Variants in UEVLD observed in about 807,000 individuals in gnomAD.
The protein encoded by UEVLD is ubiquitin-conjugating enzyme E2 variant 3.
Under a neutral mutation model 58.6 loss-of-function variants are expected in UEVLD, and 47 were observed. That is an observed-to-expected ratio of 0.80 (90% CI 0.63 to 1.02). UEVLD has a LOEUF of 1.02. Among genes scored for constraint, UEVLD ranks in the 50% least tolerant of loss-of-function variants. The probability of loss-of-function intolerance (pLI) is 0.00; values close to 1 mark genes in which losing one functional copy is unlikely to be tolerated. For synonymous variants in UEVLD, 197 were observed against 195.3 expected, an observed-to-expected ratio of 1.01 and a Z score of -0.07; for missense variants, 510 against 550.6, an observed-to-expected ratio of 0.93 and a Z score of 0.74.
chr11:18,543,592 T>A (rs1851158505), intron 9 of UEVLD, among the ~76,000 whole-genome samples: 1 of 152,220 alleles, frequency 6.6e-6, no homozygotes, highest in Non-Finnish European at 1.5e-5. Flanking sequence ...CACTCATAAG[T>A]ATCTAAGCAC....
chr11:18,553,876 A>T (rs1301739416), intron 7 of UEVLD, among the ~76,000 whole-genome samples: 2 of 152,292 alleles, frequency 1.3e-5, no homozygotes, highest in African/African-American at 4.8e-5. Context: ...ATGTGTACAG[A>T]GCTTCCTTTT....
At position 18,544,673 on chromosome 11, in the gene UEVLD, T is replaced by G. The variant is rs1251702003; in HGVS notation, c.1010A>C (p.Gln337Pro). 6.3e-7 allele frequency: 1 copy of G among 1,593,066 alleles called. No homozygotes were observed. The highest frequency in any genetic ancestry group is 1.8e-5 in the Admixed American group (1 of 54,938). The change falls in exon 9 of 12, where the codon CAG (glutamine) becomes CCG (proline). Residue 337 changes from glutamine (Q) to proline (P), a missense_variant. Physicochemically the swap from Gln to Pro is moderately conservative, Grantham distance 76. Transcript: ENST00000396197. ...QYIITNVLKA[Q>P]TSGKEVWVIG... ...AACCCATACTTCTTTGCCTGAAGTC[T>G]GTGCCTTCAAAACATTTGTAATAAT... is the stretch of plus-strand genomic sequence containing the variant.
chr11:18,541,180 C>T (rs903559920), intron 9 of UEVLD, among the ~76,000 whole-genome samples: 5 of 152,152 alleles, frequency 3.3e-5, no homozygotes, highest in African/African-American at 1.2e-4. Flanking sequence ...AACATTCTTA[C>T]TCATTCAATA....
chr11:18,582,699 G>C (rs542796298), intron 1 of UEVLD, among the ~76,000 whole-genome samples: 3 of 151,906 alleles, frequency 2.0e-5, no homozygotes, highest in Non-Finnish European at 2.9e-5. Flanking sequence ...TTCCATACTG[G>C]TCCTCACCAC....
At chr11:18,552,495 C>T (rs1406181963) in intron 7 of UEVLD, among the ~76,000 whole-genome samples, 2 of 151,880 alleles carry the variant, frequency 1.3e-5, no homozygotes, top group Non-Finnish European at 2.9e-5. Flanking sequence ...GGCAGTGAGC[C>T]GAGATGGCAC....
At chr11:18,541,236 C>G (rs1030642031) in intron 9 of UEVLD, among the ~76,000 whole-genome samples, 20 of 152,232 alleles carry the variant, frequency 1.3e-4, no homozygotes, top group African/African-American at 4.6e-4. Context: ...ATTAGAGAGG[C>G]TGGTTAAGTA....
At position 18,583,499 on chromosome 11, in the gene UEVLD, G is replaced by A. The variant is rs755710723; in HGVS notation, c.43-4691C>T. 2.6e-5 allele frequency among the ~76,000 whole-genome samples: 4 copies of A among 152,160 alleles called. No homozygotes were observed. In the East Asian group the frequency reaches 5.8e-4, roughly 22 times the overall value. Reference sequence around the variant, plus strand: ...CTCCCAAAATGCTGGGATTACAGGCGTGAGCTACCACGCTCGGCCTAGAAG... The same window carrying A: ...CTCCCAAAATGCTGGGATTACAGGCATGAGCTACCACGCTCGGCCTAGAAG... On this transcript the variant is annotated intron_variant, in intron 1 of 11. Transcript: ENST00000396197.
intron 6 of UEVLD, among the ~76,000 whole-genome samples, chr11:18,561,618 G>T (rs1852037215): frequency 6.6e-6 from 1 of 152,140 alleles, no homozygotes; most frequent in Non-Finnish European, 1.5e-5. Context: ...GAGGCGGGCA[G>T]ATTGCCTGAG....
rs150062295 is a variant in UEVLD at position 18,565,081 on chromosome 11, T to A, written c.494-71A>T. On this transcript the variant is annotated intron_variant, in intron 5 of 11. Transcript: ENST00000396197. Reference sequence around the variant, plus strand: ...ATTTTTTTAGGATCTTTAAAAAAAATATATAGCAGGCTTCATAGCTTAGAG... The same window carrying A: ...ATTTTTTTAGGATCTTTAAAAAAAAAATATAGCAGGCTTCATAGCTTAGAG... 1,784 of 1,127,112 alleles carry A rather than the reference T, an allele frequency of 1.6e-3. 25 individuals are homozygous for A. The African/African-American group carries it at 0.025, about 16-fold the overall frequency. 69.8% of individuals were successfully genotyped at this position (1,127,112 alleles called of 1,614,324 possible).
At chr11:18,575,271 G>T in intron 3 of UEVLD, 76 bp downstream of exon 3, 1 of 1,444,814 alleles carries the variant, frequency 6.9e-7, no homozygotes, top group Non-Finnish European at 9.5e-7. Context: ...AGAATGTTAT[G>T]GCATAAACAA....
intron 9 of UEVLD, chr11:18,536,715 T>C (rs1341201705): frequency 4.7e-6 from 2 of 425,952 alleles, no homozygotes; most frequent in East Asian, 9.2e-5. Flanking sequence ...TTACCTGTTT[T>C]CTCTCATCAG....
At chr11:18,540,219 A>G (rs1850996175) in intron 9 of UEVLD, among the ~76,000 whole-genome samples, 1 of 152,212 alleles carries the variant, frequency 6.6e-6, no homozygotes, top group Non-Finnish European at 1.5e-5. Context: ...TACTTATCTC[A>G]TTGAGCCTTA....
chr11:18,552,942 TCAG>T (rs1851593701), intron 7 of UEVLD, among the ~76,000 whole-genome samples: 1 of 151,196 alleles, frequency 6.6e-6, no homozygotes, highest in South Asian at 2.1e-4. Context: ...GATCACGAGG[TCAG>T]CAGATCGAGA....
At chr11:18,566,617 C>T in intron 4 of UEVLD, 135 bp from the exon 5 acceptor site, 1 of 864,282 alleles carries the variant, frequency 1.2e-6, no homozygotes, top group Non-Finnish European at 1.7e-6. Flanking sequence ...TATACTCCAG[C>T]TTGGGCAACA....
rs1850519872 is a variant in UEVLD, at chr11:18,530,415, A to G, written c.*1905T>C. The G allele has an allele frequency of 6.6e-6, 1 of 152,208 alleles. No individual in the cohort carries two copies. The highest frequency in any genetic ancestry group is 2.4e-5 in the African/African-American group (1 of 41,454). 9.4% of individuals were successfully genotyped at this position (152,208 alleles called of 1,614,324 possible). A position where few individuals can be genotyped will look rare whatever the true frequency, so the allele number is the denominator to read the frequency against. ...CTGAATATAATTTCACCTTTTCTTT[A>G]TGACTAAAGTTCATCATTATAAGCA... On this transcript the variant is annotated 3_prime_UTR_variant, in exon 12 of 12. Transcript: ENST00000396197.
In UEVLD at chr11:18,535,580, G is replaced by C. The variant is rs924724225; in HGVS notation, c.1124+826C>G. ...GAAAGCTAAAGATCACCACCTCTCAGACTTCAGGAAAATGTTATATGACGG... is the reference window on the plus strand; with the variant it reads ...GAAAGCTAAAGATCACCACCTCTCACACTTCAGGAAAATGTTATATGACGG... On this transcript the variant is annotated intron_variant, in intron 10 of 11. Coordinates refer to ENST00000396197, the MANE Select transcript of UEVLD (RefSeq NM_001040697.4). Among the ~76,000 whole-genome samples, 4 of 152,278 alleles carry C rather than the reference G, an allele frequency of 2.6e-5. No individual in the cohort carries two copies. The East Asian group carries it at 7.7e-4, about 29-fold the overall frequency.
At chr11:18,535,907 C>T (rs540888867) in intron 10 of UEVLD, among the ~76,000 whole-genome samples, 5 of 152,224 alleles carry the variant, frequency 3.3e-5, no homozygotes, top group Non-Finnish European at 7.4e-5. Flanking sequence ...GAGGCCAAGG[C>T]GGGTGGATCA....
chr11:18,530,002 T>A lies in UEVLD; in HGVS notation c.*2318A>T, dbSNP rs558881517. ...TCTAACACAGTATTTGGAGTAACAG[T>A]AGGTGTTAAATAAACATTTGTTGTA... On this transcript the variant is annotated 3_prime_UTR_variant, in exon 12 of 12. Coordinates refer to ENST00000396197, the MANE Select transcript of UEVLD (RefSeq NM_001040697.4). The A allele has an allele frequency of 2.6e-5, 4 of 152,338 alleles. No homozygotes were observed. In the South Asian group the frequency reaches 8.3e-4, roughly 32 times the overall value. 9.4% of individuals were successfully genotyped at this position (152,338 alleles called of 1,614,324 possible). A position where few individuals can be genotyped will look rare whatever the true frequency, so the allele number is the denominator to read the frequency against.
In UEVLD at chr11:18,531,512, T is replaced by C. The variant is rs1299582234; in HGVS notation, c.*808A>G. On this transcript the variant is annotated 3_prime_UTR_variant, in exon 12 of 12. Coordinates refer to ENST00000396197, the MANE Select transcript of UEVLD (RefSeq NM_001040697.4). ...AAACCTCTCCCTATTATGACCAATGTTTTTAATGAAAATCTCATATTTTGG... is the reference window on the plus strand; with the variant it reads ...AAACCTCTCCCTATTATGACCAATGCTTTTAATGAAAATCTCATATTTTGG... 1 of 152,188 alleles carries C rather than the reference T, an allele frequency of 6.6e-6. No homozygotes were observed. Among genetic ancestry groups the C allele is most frequent in the Non-Finnish European group, 1.5e-5 (1 of 68,022 alleles). 9.4% of individuals were successfully genotyped at this position (152,188 alleles called of 1,614,324 possible).
Sources: allele counts gnomAD v4.1 joint callset (sites outside exome capture counted in the v4.1 genomes callset), GRCh38; gene constraint gnomAD v4.1.1; transcripts MANE v1.5; gene names NCBI Gene and HGNC (gene_info 2026-07-23, HGNC 2026-07-21).